MALL: variants seen among roughly 807,000 people sequenced by gnomAD.
MALL encodes MAL-like protein.
Under a neutral mutation model 10.3 loss-of-function variants are expected in MALL, and 2 were observed. The observed-to-expected ratio is 0.19, with a 90% CI of 0.08 to 0.61. MALL has a LOEUF of 0.61. Among genes scored for constraint, MALL ranks in the 20% least tolerant of loss-of-function variants. The probability of loss-of-function intolerance (pLI) is 0.88; values close to 1 mark genes in which losing one functional copy is unlikely to be tolerated. For missense variants in MALL, 39 were observed against 115.2 expected (o/e 0.34, Z 3.03); for synonymous variants, 27 against 51.8 (o/e 0.52, Z 2.05).
intron 1 of MALL, among the ~76,000 whole-genome samples, chr2:110,112,829 A>C (rs1678831980): frequency 6.6e-6 from 1 of 151,348 alleles, no homozygotes; most frequent in Admixed American, 6.6e-5. Flanking sequence ...TTGTGTAACC[A>C]ACTCAAATGC....
intron 1 of MALL, among the ~76,000 whole-genome samples, chr2:110,097,157 T>C (rs1315627746): frequency 6.6e-6 from 1 of 151,250 alleles, no homozygotes; most frequent in Non-Finnish European, 1.5e-5. Flanking sequence ...CAAGAATTTG[T>C]AAAGGCACAG....
intron 1 of MALL, among the ~76,000 whole-genome samples, chr2:110,106,333 T>C (rs1374731974): frequency 6.6e-6 from 1 of 152,068 alleles, no homozygotes; most frequent in East Asian, 1.9e-4. Flanking sequence ...AATGGCATGG[T>C]CAGCCCCCAG....
At chr2:110,115,666 G>A (rs1678901214) in intron 1 of MALL, 22 bp downstream of exon 1, 2 of 1,245,658 alleles carry the variant, frequency 1.6e-6, no homozygotes, top group South Asian at 3.8e-5. Flanking sequence ...CAGGTGGCCC[G>A]GGTCGGGGGT....
At chr2:110,100,472 C>CT (rs1206628045) in intron 1 of MALL, among the ~76,000 whole-genome samples, 1 of 47,780 alleles carries the variant, frequency 2.1e-5, no homozygotes, top group South Asian at 1.9e-3. Flanking sequence ...GACTCTGTCC[C>CT]CCACCCTAAA....
At chr2:110,101,345 G>T (rs565172456) in intron 1 of MALL, among the ~76,000 whole-genome samples, 2 of 152,238 alleles carry the variant, frequency 1.3e-5, no homozygotes, top group African/African-American at 2.4e-5. Flanking sequence ...TCCAAACCCT[G>T]AGTCACTGCG....
intron 1 of MALL, chr2:110,097,526 TG>T (rs1176991799): frequency 2.2e-6 from 1 of 456,408 alleles, no homozygotes; most frequent in African/African-American, 2.0e-5. Flanking sequence ...AAGCCCCTCA[TG>T]GGTGGGAGAG....
intron 1 of MALL, among the ~76,000 whole-genome samples, chr2:110,102,458 G>C (rs1678591685): frequency 6.6e-6 from 1 of 152,208 alleles, no homozygotes; most frequent in South Asian, 2.1e-4. Context: ...CTGGAGTACA[G>C]CATGGAGCCT....
upstream of MALL, among the ~76,000 whole-genome samples, chr2:110,117,723 GTTCCCC>G (rs1394759157): frequency 2.0e-5 from 3 of 151,366 alleles, no homozygotes; most frequent in Non-Finnish European, 4.4e-5. Flanking sequence ...AGAGACAAAG[GTTCCCC>G]TTTCTCAGAG....
intron 1 of MALL, among the ~76,000 whole-genome samples, chr2:110,102,922 C>T (rs1678604484): frequency 6.6e-6 from 1 of 152,184 alleles, no homozygotes; most frequent in South Asian, 2.1e-4. Context: ...AATAAATACA[C>T]ATCCCCCTCC....
At chr2:110,096,320 C>T (rs1483809455) in intron 1 of MALL, among the ~76,000 whole-genome samples, 1 of 152,152 alleles carries the variant, frequency 6.6e-6, no homozygotes, top group Non-Finnish European at 1.5e-5. Flanking sequence ...GCCTTTCCTC[C>T]TGGGTTTGAA....
chr2:110,111,017 A>T (rs1678791615), intron 1 of MALL, among the ~76,000 whole-genome samples: 1 of 152,184 alleles, frequency 6.6e-6, no homozygotes, highest in South Asian at 2.1e-4. Context: ...AAAATCCAGC[A>T]TTGCTTTATT....
At chr2:110,096,356 C>G (rs1379727353) in intron 1 of MALL, among the ~76,000 whole-genome samples, 1 of 152,096 alleles carries the variant, frequency 6.6e-6, no homozygotes, top group East Asian at 1.9e-4. Context: ...GTGGGTAGGT[C>G]ATTTAGCTTG....
intron 1 of MALL, among the ~76,000 whole-genome samples, chr2:110,110,230 T>C (rs1678776536): frequency 6.6e-6 from 1 of 151,846 alleles, no homozygotes; most frequent in South Asian, 2.1e-4. Context: ...AGAGCAGAAC[T>C]AAATGAAATT....
upstream of MALL, among the ~76,000 whole-genome samples, chr2:110,117,636 A>T (rs1004821722): frequency 0.06 from 8,771 of 145,758 alleles, 319 homozygotes; most frequent in African/African-American, 0.11. Flanking sequence ...AGAGAGAGAG[A>T]GAGAGAGAGA....
intron 1 of MALL, among the ~76,000 whole-genome samples, chr2:110,105,182 G>A (rs1451655248): frequency 3.9e-5 from 6 of 152,218 alleles, no homozygotes; most frequent in Non-Finnish European, 1.5e-5. Flanking sequence ...CAGACTTTAG[G>A]CCCCATCCTG....
intron 1 of MALL, among the ~76,000 whole-genome samples, chr2:110,105,479 G>T (rs1331147886): frequency 6.6e-6 from 1 of 152,210 alleles, no homozygotes; most frequent in African/African-American, 2.4e-5. Flanking sequence ...CCCATGTCCT[G>T]CAGGAGAACA....
intron 1 of MALL, among the ~76,000 whole-genome samples, chr2:110,104,855 C>T (rs1434838418): frequency 6.6e-6 from 1 of 152,176 alleles, no homozygotes; most frequent in African/African-American, 2.4e-5. Flanking sequence ...TTGTATGCCC[C>T]TAAGAGCAGA....
intron 1 of MALL, among the ~76,000 whole-genome samples, chr2:110,114,000 C>T (rs1235164219): frequency 6.6e-6 from 1 of 151,990 alleles, no homozygotes; most frequent in Non-Finnish European, 1.5e-5. Flanking sequence ...CACGTAAGGC[C>T]CCAGAGCCCA....
intron 1 of MALL, among the ~76,000 whole-genome samples, chr2:110,100,208 A>T (rs1678533089): frequency 6.6e-6 from 1 of 152,122 alleles, no homozygotes; most frequent in Non-Finnish European, 1.5e-5. Flanking sequence ...ACAGGGCATA[A>T]TGGCTCACAC....
Sources: allele counts gnomAD v4.1 joint callset (sites outside exome capture counted in the v4.1 genomes callset), GRCh38; gene constraint gnomAD v4.1.1; transcripts MANE v1.5; gene names NCBI Gene and HGNC (gene_info 2026-07-23, HGNC 2026-07-21).